CSMD1: variants seen among roughly 807,000 people sequenced by gnomAD.
CSMD1 encodes the protein CUB and Sushi multiple domains 1.
Under a neutral mutation model 417.5 loss-of-function variants are expected in CSMD1, and 213 were observed. The ratio of observed to expected loss-of-function variants is 0.51; its 90% confidence interval spans 0.46 to 0.57. The LOEUF is 0.57. Ranked by LOEUF, CSMD1 falls within the 20% of genes least tolerant of loss-of-function variation. The pLI, the probability that CSMD1 is intolerant of heterozygous loss-of-function variation, is 0.00. For synonymous variants in CSMD1, 2,862 were observed against 1,736.8 expected, an observed-to-expected ratio of 1.65 and a Z score of -16.11; for missense variants, 6,923 against 4,529.7, an observed-to-expected ratio of 1.53 and a Z score of -15.17.
At chr8:4,278,104 G>A (rs1796586149) in intron 3 of CSMD1, among the ~76,000 whole-genome samples, 2 of 152,070 alleles carry the variant, frequency 1.3e-5, no homozygotes, top group South Asian at 2.1e-4. Flanking sequence ...AATCCTTTAT[G>A]GTTCTCTTTC....
chr8:3,307,610 A>C, intron 25 of CSMD1, 85 bp downstream of exon 25: 1 of 1,406,416 alleles, frequency 7.1e-7, no homozygotes, highest in Non-Finnish European at 9.7e-7. Context: ...TTAACCATGG[A>C]TATTTGGTGT....
chr8:3,099,031 C>A (rs1053936710), intron 46 of CSMD1, among the ~76,000 whole-genome samples: 1 of 152,010 alleles, frequency 6.6e-6, no homozygotes, highest in South Asian at 2.1e-4. Context: ...ACACTCCCCC[C>A]AAACCCCTCT....
chr8:4,074,424 T>C (rs943959932), intron 3 of CSMD1, among the ~76,000 whole-genome samples: 2 of 152,264 alleles, frequency 1.3e-5, no homozygotes, highest in African/African-American at 2.4e-5. Flanking sequence ...TTAAGTTTTT[T>C]GTACATGATT....
intron 2 of CSMD1, among the ~76,000 whole-genome samples, chr8:4,421,050 C>G (rs777065940): frequency 3.9e-5 from 6 of 152,168 alleles, no homozygotes; most frequent in Non-Finnish European, 7.4e-5. Flanking sequence ...CTTAAAGAGA[C>G]TCATTTGTTC....
chr8:3,678,369 C>G (rs898264344), intron 7 of CSMD1, among the ~76,000 whole-genome samples: 2 of 152,090 alleles, frequency 1.3e-5, no homozygotes, highest in African/African-American at 2.4e-5. Flanking sequence ...AAAACCATGG[C>G]ACGGGAACTA....
At chr8:3,931,667 AAAAC>A (rs1016024039) in intron 5 of CSMD1, among the ~76,000 whole-genome samples, 5 of 149,770 alleles carry the variant, frequency 3.3e-5, no homozygotes, top group Admixed American at 6.7e-5. Flanking sequence ...ATAGTTCTAA[AAAAC>A]AAACAAACAA....
intron 5 of CSMD1, among the ~76,000 whole-genome samples, chr8:3,974,232 T>G (rs867649862): frequency 1.5e-4 from 23 of 150,940 alleles, no homozygotes; most frequent in Admixed American, 5.3e-4. Context: ...GAGTTATTTT[T>G]AAATAATATA....
Position 4,756,003 on chromosome 8 carries a change from G to A in CSMD1, c.86-118445C>T, listed in dbSNP as rs767719766. Among the ~76,000 whole-genome samples the A allele has an allele frequency of 5.3e-5, 8 of 152,100 alleles. 1 individual carries two copies. The highest frequency in any genetic ancestry group is 4.6e-4 in the Admixed American group (7 of 15,262). The stretch of plus-strand genomic sequence containing the variant: ...ATGATGAATTATTTAGTATGTGTGA[G>A]TATTAAGTCATTTGCTAATTGTTTA... On this transcript the variant is annotated intron_variant, in intron 1 of 69. Transcript: ENST00000635120.
At chr8:3,744,435 C>A (rs6994739) in intron 6 of CSMD1, among the ~76,000 whole-genome samples, 1 of 151,888 alleles carries the variant, frequency 6.6e-6, no homozygotes, top group East Asian at 1.9e-4. Context: ...AAGATTTTAA[C>A]CAGGAAAAAA....
At chr8:3,204,364 G>A (rs1177946223) in intron 31 of CSMD1, among the ~76,000 whole-genome samples, 1 of 150,756 alleles carries the variant, frequency 6.6e-6, no homozygotes, top group Non-Finnish European at 1.5e-5. Flanking sequence ...AGACTTTTTT[G>A]TGATAATCAG....
At chr8:4,910,632 C>T (rs1036680130) in intron 1 of CSMD1, among the ~76,000 whole-genome samples, 1 of 152,158 alleles carries the variant, frequency 6.6e-6, no homozygotes, top group African/African-American at 2.4e-5. Flanking sequence ...CAAATATTAC[C>T]ATTTTGGGGA....
intron 17 of CSMD1, among the ~76,000 whole-genome samples, chr8:3,389,225 C>T (rs774865822): frequency 6.6e-6 from 1 of 152,094 alleles, no homozygotes; most frequent in Non-Finnish European, 1.5e-5. Context: ...AAGTATTAAG[C>T]CTAGTGCCCA....
chr8:4,446,503 G>C (rs1339336845), intron 2 of CSMD1, among the ~76,000 whole-genome samples: 1 of 152,140 alleles, frequency 6.6e-6, no homozygotes, highest in East Asian at 1.9e-4. Flanking sequence ...TCTGTGATCA[G>C]GCCACTGCAC....
chr8:3,835,477 C>G (rs1015189632), intron 5 of CSMD1, among the ~76,000 whole-genome samples: 1 of 151,858 alleles, frequency 6.6e-6, no homozygotes, highest in African/African-American at 2.4e-5. Context: ...GACAAAAAAC[C>G]AAACACCACA....
At chr8:3,711,341 A>G (rs1801498342) in intron 6 of CSMD1, among the ~76,000 whole-genome samples, 1 of 152,118 alleles carries the variant, frequency 6.6e-6, no homozygotes, top group Admixed American at 6.6e-5. Context: ...GGCCACCCAG[A>G]TCCCCCTCCA....
At chr8:4,185,580 C>G (rs989021902) in intron 3 of CSMD1, among the ~76,000 whole-genome samples, 1 of 152,090 alleles carries the variant, frequency 6.6e-6, no homozygotes, top group Non-Finnish European at 1.5e-5. Context: ...CAAAAGTATC[C>G]TACCTATCTA....
intron 5 of CSMD1, 37 bp from the exon 6 acceptor site, chr8:3,754,079 A>T (rs778105865): frequency 7.1e-7 from 1 of 1,413,408 alleles, no homozygotes; most frequent in East Asian, 2.3e-5. Context: ...CTCCCTTGTA[A>T]ACCAACAGAG....
At chr8:4,288,125 C>G (rs1797162746) in intron 3 of CSMD1, among the ~76,000 whole-genome samples, 1 of 152,090 alleles carries the variant, frequency 6.6e-6, no homozygotes, top group African/African-American at 2.4e-5. Flanking sequence ...GCTTTCTGTT[C>G]CTGCAGCATT....
chr8:4,388,063 A>G (rs1803578143), intron 3 of CSMD1, among the ~76,000 whole-genome samples: 1 of 152,282 alleles, frequency 6.6e-6, no homozygotes, highest in East Asian at 1.9e-4. Flanking sequence ...TGTCCACCTC[A>G]TTTGGACTAA....
Sources: gnomAD v4.1 joint callset for allele counts (sites outside exome capture counted in the v4.1 genomes callset) on GRCh38, gnomAD v4.1.1 for gene constraint, MANE v1.5 for transcripts, NCBI Gene and HGNC (gene_info 2026-07-23, HGNC 2026-07-21) for gene names.